The following HACD1 variants were observed in gnomAD, a reference collection of about 807,000 sequenced individuals.
HACD1 encodes the protein very-long-chain (3R)-3-hydroxyacyl-CoA dehydratase 1.
In HACD1, 41 loss-of-function variants were observed where a neutral mutation model predicts 32.0. The observed-to-expected ratio is 1.28, with a 90% confidence interval of 1.00 to 1.66. HACD1 has a LOEUF of 1.66. HACD1 is among the 40% of genes most tolerant of loss of function. The pLI, the probability that HACD1 is intolerant of heterozygous loss-of-function variation, is 0.00. For synonymous variants in HACD1, 142 were observed against 139.0 expected (o/e 1.02, Z -0.15); for missense variants, 396 against 380.1 (o/e 1.04, Z -0.35).
At chr10:17,614,550 C>A (rs1554817819) in intron 1 of HACD1, among the ~76,000 whole-genome samples, 1 of 151,594 alleles carries the variant, frequency 6.6e-6, no homozygotes, top group African/African-American at 2.4e-5. Flanking sequence ...GCCTACTCTA[C>A]AAAAAAATTT....
intron 1 of HACD1, among the ~76,000 whole-genome samples, chr10:17,607,615 A>G (rs1371834397): frequency 1.3e-5 from 2 of 152,210 alleles, no homozygotes; most frequent in Non-Finnish European, 2.9e-5. Flanking sequence ...CAAGTTTTCT[A>G]CATTTTTAAA....
At chr10:17,591,676 C>T (rs1554815584) in intron 6 of HACD1, among the ~76,000 whole-genome samples, 1 of 152,074 alleles carries the variant, frequency 6.6e-6, no homozygotes, top group Admixed American at 6.6e-5. Context: ...ATAAACAATG[C>T]CAGTGTAAAA....
In HACD1 at chr10:17,599,108, CTCA is replaced by C. The variant is rs199674622; in HGVS notation, c.605+179_605+181del. The C allele has an allele frequency of 3.0e-3, 3,316 of 1,117,814 alleles. 51 individuals carry two copies. The African/African-American group carries it at 0.043, about 15-fold the overall frequency. 69.2% of individuals were successfully genotyped at this position (1,117,814 alleles called of 1,614,324 possible). On this transcript the variant is annotated intron_variant, in intron 5 of 6. Transcript: ENST00000361271. ...AAATATTTATTAATACGATTCCTCT[CTCA>C]TCATTAAGCTTTTAGAATACAAATC...
intron 5 of HACD1, among the ~76,000 whole-genome samples, chr10:17,597,200 T>G (rs782707866): frequency 1.5e-4 from 23 of 152,128 alleles, no homozygotes; most frequent in Non-Finnish European, 2.6e-4. Flanking sequence ...CAAGCTGGAG[T>G]GCAGTGGTGT....
intron 6 of HACD1, among the ~76,000 whole-genome samples, chr10:17,593,380 A>G (rs1350032177): frequency 6.6e-6 from 1 of 151,480 alleles, no homozygotes; most frequent in Non-Finnish European, 1.5e-5. Context: ...CAATGGCATC[A>G]TGTCAGTTCA....
At chr10:17,596,831 C>T (rs11254679) in intron 5 of HACD1, among the ~76,000 whole-genome samples, 1 of 152,028 alleles carries the variant, frequency 6.6e-6, no homozygotes, top group African/African-American at 2.4e-5. Flanking sequence ...AGGACTTTTC[C>T]AAGAACACTT....
intron 4 of HACD1, among the ~76,000 whole-genome samples, chr10:17,601,218 G>T (rs1554816490): frequency 6.6e-6 from 1 of 151,972 alleles, no homozygotes; most frequent in African/African-American, 2.4e-5. Context: ...ATTTTTAGTA[G>T]AGACAGGGTT....
chr10:17,610,775 T>G (rs1554817430), intron 1 of HACD1, among the ~76,000 whole-genome samples: 1 of 152,216 alleles, frequency 6.6e-6, no homozygotes, highest in Non-Finnish European at 1.5e-5. Flanking sequence ...TAAGTAGTTG[T>G]GCTGTTCCAA....
intron 5 of HACD1, among the ~76,000 whole-genome samples, chr10:17,595,984 TC>T (rs1833990919): frequency 6.6e-6 from 1 of 151,856 alleles, no homozygotes; most frequent in African/African-American, 2.4e-5. Flanking sequence ...AGACCCTGTC[TC>T]AAAAAAAATA....
intron 4 of HACD1, among the ~76,000 whole-genome samples, chr10:17,602,072 A>AT (rs374433598): frequency 0.28 from 41,002 of 144,052 alleles, 6,195 homozygotes; most frequent in African/African-American, 0.37. Context: ...CATGGGTTTA[A>AT]TTTTTTTTTT....
chr10:17,596,567 G>T (rs1208614391), intron 5 of HACD1, among the ~76,000 whole-genome samples: 2 of 150,930 alleles, frequency 1.3e-5, no homozygotes, highest in Non-Finnish European at 3.0e-5. Flanking sequence ...AGTCTTAAGG[G>T]CAATGAAAAT....
intron 5 of HACD1, among the ~76,000 whole-genome samples, chr10:17,596,303 G>A (rs1156736938): frequency 6.6e-6 from 1 of 152,092 alleles, no homozygotes; most frequent in African/African-American, 2.4e-5. Context: ...ATCCCTTCTT[G>A]GCCTTGGAGA....
rs1833908806 is a variant in HACD1, at chr10:17,590,052, T to C, written c.*312A>G. ...AATCGTTAAACTAATTTCTAAATAT[T>C]GATTTAAAAAGCTTTGAGCATGTTT... On this transcript the variant is annotated 3_prime_UTR_variant, in exon 7 of 7. Coordinates refer to ENST00000361271, the MANE Select transcript of HACD1 (RefSeq NM_014241.4). 1 of 174,260 alleles carries C rather than the reference T, an allele frequency of 5.7e-6. No homozygotes were observed. Among genetic ancestry groups the C allele is most frequent in the Non-Finnish European group, 1.2e-5 (1 of 82,978 alleles). The allele number at this position is 174,260 out of a possible 1,614,324, so 10.8% of individuals were successfully genotyped here.
At chr10:17,603,798 A>G in intron 2 of HACD1, 54 bp from the exon 3 acceptor site, 1 of 1,545,220 alleles carries the variant, frequency 6.5e-7, no homozygotes. Flanking sequence ...CATTAAATAA[A>G]CCACTGTCAA....
At chr10:17,605,828 C>A (rs1834138647) in intron 1 of HACD1, among the ~76,000 whole-genome samples, 1 of 151,822 alleles carries the variant, frequency 6.6e-6, no homozygotes, top group African/African-American at 2.4e-5. Flanking sequence ...CCGGTGGGCA[C>A]CTATAGTGCC....
At chr10:17,613,234 A>C (rs957052281) in intron 1 of HACD1, among the ~76,000 whole-genome samples, 1 of 151,442 alleles carries the variant, frequency 6.6e-6, no homozygotes, top group Non-Finnish European at 1.5e-5. Flanking sequence ...CAGTCTCCTG[A>C]GTAGCTGGGA....
chr10:17,598,289 A>G (rs957887039), intron 5 of HACD1, among the ~76,000 whole-genome samples: 2 of 151,410 alleles, frequency 1.3e-5, no homozygotes, highest in Non-Finnish European at 2.9e-5. Context: ...AGAGAAAAAA[A>G]CCCATAAAAC....
Position 17,593,317 on chromosome 10 carries a change from A to T in HACD1, c.784+888T>A, listed in dbSNP as rs188710988. Among the ~76,000 whole-genome samples the T allele has an allele frequency of 2.9e-3, 312 of 109,210 alleles. 1 individual carries two copies. Among genetic ancestry groups the T allele is most frequent in the Middle Eastern group, 5.6e-3 (1 of 178 alleles). 71.6% of individuals were successfully genotyped at this position (109,210 alleles called of 152,430 possible). On this transcript the variant is annotated intron_variant, in intron 6 of 6. Transcript: ENST00000361271. ...TAAAAATATATCACTATTAGCCCCC[A>T]CGCCTTTTTTTTTTTGAGACAGAGT...
In HACD1 at chr10:17,615,533, G is replaced by A. The variant is rs1833063508; in HGVS notation, c.257+1550C>T. On this transcript the variant is annotated intron_variant, in intron 1 of 6. Transcript: ENST00000361271. ...TCAATCACATTTTTCTATAAACCCTGGAGAAAGTTTAAAATATTAAGCCGG... is the reference window on the plus strand; with the variant it reads ...TCAATCACATTTTTCTATAAACCCTAGAGAAAGTTTAAAATATTAAGCCGG... 2.6e-5 allele frequency: 4 copies of A among 154,712 alleles called. No individual in the cohort carries two copies. The Admixed American group carries it at 2.6e-4, about 10-fold the overall frequency. The allele number at this position is 154,712 out of a possible 1,614,324, so 9.6% of individuals were successfully genotyped here. A position where few individuals can be genotyped will look rare whatever the true frequency, so the allele number is the denominator to read the frequency against.
Sources: allele counts gnomAD v4.1 joint callset (sites outside exome capture counted in the v4.1 genomes callset), GRCh38; gene constraint gnomAD v4.1.1; transcripts MANE v1.5; gene names NCBI Gene and HGNC (gene_info 2026-07-23, HGNC 2026-07-21).